Variants in KIAA1328 observed in about 807,000 individuals in gnomAD.
KIAA1328 encodes the protein protein hinderin.
Under a neutral mutation model 68.1 loss-of-function variants are expected in KIAA1328, and 52 were observed. That is an observed-to-expected ratio of 0.76 (90% CI 0.61 to 0.96). The LOEUF is 0.96. Ranked by LOEUF, KIAA1328 falls within the 40% of genes least tolerant of loss-of-function variation. The pLI is 0.00. For synonymous variants in KIAA1328, 232 were observed against 239.4 expected, an observed-to-expected ratio of 0.97 and a Z score of 0.28; for missense variants, 641 against 677.6, an observed-to-expected ratio of 0.95 and a Z score of 0.60.
At chr18:36,843,915 T>C (rs1008976685) in intron 3 of KIAA1328, among the ~76,000 whole-genome samples, 6 of 152,164 alleles carry the variant, frequency 3.9e-5, no homozygotes, top group African/African-American at 1.4e-4. Context: ...TGAGTATTTG[T>C]TTCTATGACA....
intron 5 of KIAA1328, chr18:36,954,505 G>A (rs2051318049): frequency 6.6e-6 from 1 of 152,026 alleles, no homozygotes; most frequent in African/African-American, 2.4e-5. Flanking sequence ...CTTCTTTGCT[G>A]TAAGTAATTA....
rs2060612404 is a variant in KIAA1328 at position 37,224,346 on chromosome 18, C to T, written c.*2119C>T. ...AAAGGCTTTTTGGGGGTCACAGCCA[C>T]AGAGTGGAGTTTTATTGCTTCTTTG... On this transcript the variant is annotated 3_prime_UTR_variant, in exon 10 of 10. Transcript: ENST00000280020. The T allele has an allele frequency of 2.0e-6, 2 of 985,248 alleles. No homozygotes were observed. The highest frequency in any genetic ancestry group is 4.7e-5 in the South Asian group (1 of 21,284). 61.0% of individuals were successfully genotyped at this position (985,248 alleles called of 1,614,324 possible).
chr18:37,225,211 C>G lies in KIAA1328; in HGVS notation c.*2984C>G. On this transcript the variant is annotated 3_prime_UTR_variant, in exon 10 of 10. Coordinates refer to ENST00000280020, the MANE Select transcript of KIAA1328 (RefSeq NM_020776.3). ...CGAAGTCTGCTAAGAGAGATGGAGGCTGTGGCGGACTCCTTCCAACTCACG... is the reference window on the plus strand; with the variant it reads ...CGAAGTCTGCTAAGAGAGATGGAGGGTGTGGCGGACTCCTTCCAACTCACG... 1.0e-6 allele frequency: 1 copy of G among 985,478 alleles called. No homozygotes were observed. The highest frequency in any genetic ancestry group is 1.2e-6 in the Non-Finnish European group (1 of 829,942). The allele number at this position is 985,478 out of a possible 1,614,324, so 61.0% of individuals were successfully genotyped here.
intron 6 of KIAA1328, among the ~76,000 whole-genome samples, chr18:37,025,785 T>C (rs1489222738): frequency 2.6e-5 from 4 of 152,210 alleles, no homozygotes; most frequent in East Asian, 1.9e-4. Flanking sequence ...AGATCTAAAA[T>C]TGACACCCTA....
chr18:37,195,626 T>C (rs1409061548), intron 9 of KIAA1328, among the ~76,000 whole-genome samples: 4 of 152,236 alleles, frequency 2.6e-5, no homozygotes, highest in Non-Finnish European at 4.4e-5. Flanking sequence ...GATTTATTTC[T>C]GGTTTGCTAT....
intron 4 of KIAA1328, among the ~76,000 whole-genome samples, chr18:36,872,628 C>G (rs1057027282): frequency 6.6e-6 from 1 of 152,056 alleles, no homozygotes; most frequent in Non-Finnish European, 1.5e-5. Flanking sequence ...TGCCCATTAC[C>G]AAGAATAGAA....
rs935287956 is a variant in KIAA1328, at chr18:37,121,572, T to C, written c.1233-38628T>C. Among the ~76,000 whole-genome samples the C allele has an allele frequency of 3.8e-4, 58 of 152,148 alleles. 2 individuals carry two copies. Among genetic ancestry groups the C allele is most frequent in the Non-Finnish European group, 1.3e-4 (9 of 67,984 alleles). On this transcript the variant is annotated intron_variant, in intron 7 of 9. Transcript: ENST00000280020. ...GTGACTGTATATCACAAACATAGAT[T>C]TGAGGTATAGGATCATGTCCTCAGA...
At chr18:37,133,061 G>T (rs1203953144) in intron 7 of KIAA1328, among the ~76,000 whole-genome samples, 1 of 152,154 alleles carries the variant, frequency 6.6e-6, no homozygotes, top group African/African-American at 2.4e-5. Flanking sequence ...GTGGCCAGGC[G>T]CGATGACTCA....
intron 9 of KIAA1328, among the ~76,000 whole-genome samples, chr18:37,212,000 A>G (rs974438230): frequency 2.6e-5 from 4 of 152,210 alleles, no homozygotes; most frequent in Non-Finnish European, 2.9e-5. Context: ...TATTTTAAGC[A>G]TGAAATTGGA....
chr18:36,906,269 G>A (rs2049217172), intron 5 of KIAA1328, among the ~76,000 whole-genome samples: 1 of 152,030 alleles, frequency 6.6e-6, no homozygotes, highest in Non-Finnish European at 1.5e-5. Context: ...CAAATACAAA[G>A]TGTTATGTAT....
chr18:37,033,018 T>G (rs994314449), intron 6 of KIAA1328, among the ~76,000 whole-genome samples: 1 of 152,226 alleles, frequency 6.6e-6, no homozygotes, highest in Non-Finnish European at 1.5e-5. Context: ...TTAAGCCTGC[T>G]TACTCTTATG....
intron 6 of KIAA1328, among the ~76,000 whole-genome samples, chr18:37,030,139 G>A (rs2054764322): frequency 6.6e-6 from 1 of 151,190 alleles, no homozygotes; most frequent in Admixed American, 6.6e-5. Flanking sequence ...TCTTTTATTA[G>A]ATTTTCTCTG....
rs567445695 is a variant in KIAA1328, at chr18:36,859,759, T to C, written c.332+15457T>C. 2.6e-5 allele frequency among the ~76,000 whole-genome samples: 4 copies of C among 152,086 alleles called. No homozygotes were observed. In the South Asian group the frequency reaches 8.3e-4, roughly 32 times the overall value. ...GCCACTGCACTCTGCCTTCTTGTAT[T>C]TTTTGCTTTGAAAAATTCTGCTTTT... On this transcript the variant is annotated intron_variant, in intron 4 of 9. Transcript: ENST00000280020.
chr18:36,919,469 T>C (rs754239383), intron 5 of KIAA1328, among the ~76,000 whole-genome samples: 4 of 152,202 alleles, frequency 2.6e-5, no homozygotes, highest in Non-Finnish European at 5.9e-5. Context: ...ATTTTCTTTA[T>C]CCAGTCCACT....
At chr18:37,158,749 T>G (rs1164115050) in intron 7 of KIAA1328, among the ~76,000 whole-genome samples, 2 of 152,098 alleles carry the variant, frequency 1.3e-5, no homozygotes, top group African/African-American at 4.8e-5. Context: ...AAAGCTTCTG[T>G]GAAAATGCTG....
At chr18:37,066,461 C>T (rs374276965) in intron 6 of KIAA1328, among the ~76,000 whole-genome samples, 2 of 152,168 alleles carry the variant, frequency 1.3e-5, no homozygotes, top group Non-Finnish European at 2.9e-5. Context: ...AAATGTTTTA[C>T]ATCAAGTCTC....
chr18:36,961,754 C>G (rs1003976210), intron 6 of KIAA1328, among the ~76,000 whole-genome samples: 3 of 152,160 alleles, frequency 2.0e-5, no homozygotes, highest in African/African-American at 4.8e-5. Context: ...CCTTCACAGA[C>G]AAGCAAATGC....
chr18:36,957,089 G>T (rs938008777), intron 5 of KIAA1328, among the ~76,000 whole-genome samples: 25 of 152,062 alleles, frequency 1.6e-4, no homozygotes, highest in South Asian at 6.2e-4. Flanking sequence ...TTTGTTAAAG[G>T]TTAATAATGA....
intron 6 of KIAA1328, among the ~76,000 whole-genome samples, chr18:36,982,419 A>G (rs922864126): frequency 3.3e-5 from 5 of 151,758 alleles, no homozygotes; most frequent in East Asian, 1.9e-4. Flanking sequence ...GTTGCATACA[A>G]TGGAAAAAAT....
Sources: gnomAD v4.1 joint callset for allele counts (sites outside exome capture counted in the v4.1 genomes callset) on GRCh38, gnomAD v4.1.1 for gene constraint, MANE v1.5 for transcripts, NCBI Gene and HGNC (gene_info 2026-07-23, HGNC 2026-07-21) for gene names.